ARL15: variants seen among roughly 807,000 people sequenced by gnomAD.
ARL15 encodes ARF like GTPase 15, also known as ADP-ribosylation factor-like protein 15.
ARL15 carries 19 observed loss-of-function variants against 25.2 expected under a neutral mutation model. That is an observed-to-expected ratio of 0.75 (90% CI 0.53 to 1.10). ARL15 has a LOEUF of 1.10. Among genes scored for constraint, ARL15 ranks in the 50% least tolerant of loss-of-function variants. ARL15 has a pLI of 0.00. For synonymous variants in ARL15, 94 were observed against 86.8 expected (o/e 1.08, Z -0.46); for missense variants, 220 against 246.0 (o/e 0.89, Z 0.71).
chr5:54,079,031 A>G (rs1751704090), intron 4 of ARL15, among the ~76,000 whole-genome samples: 1 of 152,170 alleles, frequency 6.6e-6, no homozygotes, highest in Non-Finnish European at 1.5e-5. Context: ...ATTTACTGTT[A>G]TTTTTAAAAA....
chr5:54,182,456 T>G (rs1425331180), intron 1 of ARL15, among the ~76,000 whole-genome samples: 1 of 151,228 alleles, frequency 6.6e-6, no homozygotes. Flanking sequence ...ATCAGATAGT[T>G]GTAGGTATGC....
chr5:54,216,259 G>A (rs978224269), intron 1 of ARL15, among the ~76,000 whole-genome samples: 1 of 152,090 alleles, frequency 6.6e-6, no homozygotes, highest in African/African-American at 2.4e-5. Flanking sequence ...TCACTCAACA[G>A]CATCACTTCA....
At chr5:54,079,519 A>G (rs1751721112) in intron 4 of ARL15, among the ~76,000 whole-genome samples, 1 of 152,242 alleles carries the variant, frequency 6.6e-6, no homozygotes, top group Non-Finnish European at 1.5e-5. Flanking sequence ...AAATTAAGAT[A>G]TATTGATGAG....
intron 3 of ARL15, among the ~76,000 whole-genome samples, chr5:54,135,526 G>A (rs1199226324): frequency 6.6e-6 from 1 of 152,120 alleles, no homozygotes; most frequent in Non-Finnish European, 1.5e-5. Flanking sequence ...ACTATCTAGG[G>A]GAGCTGTACT....
intron 1 of ARL15, among the ~76,000 whole-genome samples, chr5:54,276,104 T>A (rs954952105): frequency 1.3e-5 from 2 of 152,122 alleles, no homozygotes; most frequent in African/African-American, 4.8e-5. Context: ...CTACTATTAT[T>A]TTGGTCTTTA....
chr5:53,893,641 A>G (rs1355987116), intron 4 of ARL15, among the ~76,000 whole-genome samples: 1 of 152,096 alleles, frequency 6.6e-6, no homozygotes, highest in African/African-American at 2.4e-5. Context: ...ACAAAGTCAC[A>G]TTTACCATCA....
At chr5:54,247,228 T>G (rs913362828) in intron 1 of ARL15, among the ~76,000 whole-genome samples, 1 of 152,126 alleles carries the variant, frequency 6.6e-6, no homozygotes, top group Non-Finnish European at 1.5e-5. Context: ...TTTTGTTTTT[T>G]TTTTTTAAGG....
chr5:54,269,447 G>A (rs897150541), intron 1 of ARL15, among the ~76,000 whole-genome samples: 2 of 151,908 alleles, frequency 1.3e-5, no homozygotes, highest in African/African-American at 4.8e-5. Context: ...GTGGCCGTAA[G>A]TTTTCAATAT....
intron 4 of ARL15, among the ~76,000 whole-genome samples, chr5:54,084,378 G>A (rs1276716366): frequency 1.3e-5 from 2 of 149,082 alleles, no homozygotes; most frequent in African/African-American, 2.5e-5. Flanking sequence ...CCAGAGGGGT[G>A]GAGGAGTAGG....
At chr5:53,922,552 G>C (rs1239065130) in intron 4 of ARL15, among the ~76,000 whole-genome samples, 2 of 152,170 alleles carry the variant, frequency 1.3e-5, no homozygotes, top group East Asian at 3.9e-4. Flanking sequence ...ATGAACGTTG[G>C]TGGCAGTGCT....
At chr5:54,273,299 C>G (rs560300118) in intron 1 of ARL15, among the ~76,000 whole-genome samples, 27 of 152,222 alleles carry the variant, frequency 1.8e-4, no homozygotes, top group African/African-American at 5.8e-4. Context: ...AAAGCAACAC[C>G]AATGATGGGA....
intron 4 of ARL15, among the ~76,000 whole-genome samples, chr5:54,044,540 C>A (rs1003498857): frequency 2.0e-5 from 3 of 152,022 alleles, no homozygotes; most frequent in Non-Finnish European, 4.4e-5. Context: ...CCACTGCACC[C>A]GGCCAAAACA....
chr5:54,052,711 G>A (rs1750736556), intron 4 of ARL15, among the ~76,000 whole-genome samples: 1 of 152,018 alleles, frequency 6.6e-6, no homozygotes, highest in African/African-American at 2.4e-5. Flanking sequence ...ATATAAAAAT[G>A]TTTTTATATG....
At chr5:54,094,589 CT>C (rs1752228735) in intron 4 of ARL15, among the ~76,000 whole-genome samples, 1 of 151,178 alleles carries the variant, frequency 6.6e-6, no homozygotes. Context: ...GCTATAATAC[CT>C]TAATAATAAT....
intron 1 of ARL15, among the ~76,000 whole-genome samples, chr5:54,271,323 C>T (rs1757777755): frequency 6.6e-6 from 1 of 152,158 alleles, no homozygotes; most frequent in Admixed American, 6.6e-5. Context: ...TCCAGGACCT[C>T]CTTCAGGTAT....
intron 4 of ARL15, among the ~76,000 whole-genome samples, chr5:53,999,525 A>G (rs1748787651): frequency 6.6e-6 from 1 of 152,186 alleles, no homozygotes; most frequent in Non-Finnish European, 1.5e-5. Context: ...CGGGAGGTGG[A>G]GGGTGCAGTG....
chr5:54,064,619 C>T lies in ARL15; in HGVS notation c.462+48583G>A, dbSNP rs1009769693. Among the ~76,000 whole-genome samples, 3 of 152,216 alleles carry T rather than the reference C, an allele frequency of 2.0e-5. No individual in the cohort carries two copies. In the South Asian group the frequency reaches 6.2e-4, roughly 32 times the overall value. On this transcript the variant is annotated intron_variant, in intron 4 of 4. Coordinates refer to ENST00000504924, the MANE Select transcript of ARL15 (RefSeq NM_019087.3). ...AGTCTTCCATTTTCTGGATGTGTGA[C>T]CTCAGGCATGTGATTTGACCACTCT...
chr5:54,248,637 C>A lies in ARL15; in HGVS notation c.48+61795G>T, dbSNP rs545659348. ...ATTTACTTATTTGCTAATTGTAGGT[C>A]TTCTCTACTCGAATGTAAGTTCCAT... On this transcript the variant is annotated intron_variant, in intron 1 of 4. Transcript: ENST00000504924. Among the ~76,000 whole-genome samples, 3 of 152,334 alleles carry A rather than the reference C, an allele frequency of 2.0e-5. No homozygotes were observed. In the East Asian group the frequency reaches 5.8e-4, roughly 29 times the overall value.
chr5:54,134,584 T>G (rs1753541804), intron 3 of ARL15, among the ~76,000 whole-genome samples: 2 of 128,960 alleles, frequency 1.6e-5, no homozygotes, highest in Admixed American at 7.8e-5. Flanking sequence ...TTTTTTTTTT[T>G]TTTTTTTTTT....
Sources: allele counts gnomAD v4.1 joint callset (sites outside exome capture counted in the v4.1 genomes callset), GRCh38; gene constraint gnomAD v4.1.1; transcripts MANE v1.5; gene names NCBI Gene and HGNC (gene_info 2026-07-23, HGNC 2026-07-21).